SLC35F4: variants seen among roughly 807,000 people sequenced by gnomAD.
The protein encoded by SLC35F4 is chromosome 14 open reading frame 36.
SLC35F4 carries 24 observed loss-of-function variants against 44.2 expected under a neutral mutation model. The ratio of observed to expected loss-of-function variants is 0.54; its 90% CI spans 0.39 to 0.76. The LOEUF is 0.76. Among genes scored for constraint, SLC35F4 ranks in the 30% least tolerant of loss-of-function variants. The pLI is 0.00. For missense variants in SLC35F4, 562 were observed against 586.1 expected (o/e 0.96, Z 0.42); for synonymous variants, 238 against 223.6 (o/e 1.06, Z -0.57).
At chr14:57,795,512 G>C (rs1287825448) in intron 1 of SLC35F4, among the ~76,000 whole-genome samples, 1 of 152,110 alleles carries the variant, frequency 6.6e-6, no homozygotes, top group Non-Finnish European at 1.5e-5. Flanking sequence ...TAGCCAGTCT[G>C]CTTATGTATT....
At chr14:57,618,046 C>A (rs547166575) in intron 1 of SLC35F4, among the ~76,000 whole-genome samples, 1 of 152,110 alleles carries the variant, frequency 6.6e-6, no homozygotes, top group East Asian at 1.9e-4. Context: ...TTTTACATTT[C>A]AGTAATAAAA....
intron 1 of SLC35F4, among the ~76,000 whole-genome samples, chr14:57,609,010 C>A (rs2140031179): frequency 6.6e-6 from 1 of 152,180 alleles, no homozygotes; most frequent in African/African-American, 2.4e-5. Flanking sequence ...GAAGTATAGA[C>A]AGGACACAAA....
intron 3 of SLC35F4, among the ~76,000 whole-genome samples, chr14:57,582,172 T>G (rs112158285): frequency 0.018 from 2,741 of 150,604 alleles, 55 homozygotes; most frequent in African/African-American, 0.046. Context: ...CAGGGGCCAT[T>G]TTTTTCCTTT....
At chr14:57,871,765 C>A (rs745339037) in intron 1 of SLC35F4, among the ~76,000 whole-genome samples, 3 of 152,198 alleles carry the variant, frequency 2.0e-5, no homozygotes, top group Non-Finnish European at 2.9e-5. Context: ...TCATCTCAGT[C>A]AGAGCTAATA....
intron 1 of SLC35F4, among the ~76,000 whole-genome samples, chr14:57,644,459 G>GT (rs1260176585): frequency 1.0e-5 from 1 of 96,838 alleles, no homozygotes; most frequent in African/African-American, 3.0e-5. Flanking sequence ...ACTTTTTGAT[G>GT]GGTTTTTTTT....
chr14:57,837,256 G>A (rs1885022321), intron 1 of SLC35F4: 1 of 152,166 alleles, frequency 6.6e-6, no homozygotes, highest in Non-Finnish European at 1.5e-5. Context: ...AAGAGACACT[G>A]TTACAGGGAA....
At chr14:57,667,760 G>A (rs868113594) in intron 1 of SLC35F4, among the ~76,000 whole-genome samples, 25 of 151,738 alleles carry the variant, frequency 1.6e-4, no homozygotes, top group Middle Eastern at 3.4e-3. Flanking sequence ...TTGGTTCCGA[G>A]TCTTTGCTAT....
At chr14:57,570,007 C>T (rs2068412440) in intron 5 of SLC35F4, 27 bp from the exon 6 acceptor site, 1 of 1,560,624 alleles carries the variant, frequency 6.4e-7, no homozygotes, top group African/African-American at 1.4e-5. Context: ...ACTCTACAGC[C>T]ACACAGAAAC....
At chr14:57,966,380 G>A (rs1029286548) in intron 1 of SLC35F4, among the ~76,000 whole-genome samples, 1 of 152,158 alleles carries the variant, frequency 6.6e-6, no homozygotes, top group African/African-American at 2.4e-5. Flanking sequence ...TAACCAAAAA[G>A]ATGAAAACTG....
At chr14:57,775,013 C>A (rs1208737505) in intron 1 of SLC35F4, among the ~76,000 whole-genome samples, 1 of 151,916 alleles carries the variant, frequency 6.6e-6, no homozygotes, top group Non-Finnish European at 1.5e-5. Context: ...CCCCCACCAG[C>A]ACTCCACCAT....
intron 3 of SLC35F4, among the ~76,000 whole-genome samples, chr14:57,583,294 G>T (rs1185361128): frequency 6.6e-6 from 1 of 152,220 alleles, no homozygotes; most frequent in Non-Finnish European, 1.5e-5. Context: ...AAGGCGATCT[G>T]CTCCGTGAGA....
intron 1 of SLC35F4, among the ~76,000 whole-genome samples, chr14:57,759,889 T>G (rs113364528): frequency 1.8e-3 from 279 of 152,026 alleles, no homozygotes; most frequent in Non-Finnish European, 3.3e-3. Context: ...TGTTTTTTTT[T>G]TTTGTTTGCT....
intron 1 of SLC35F4, among the ~76,000 whole-genome samples, chr14:57,944,727 G>C (rs1159011881): frequency 8.6e-6 from 1 of 116,040 alleles, no homozygotes; most frequent in Non-Finnish European, 1.9e-5. Flanking sequence ...AAGAAAGAAA[G>C]AAAGAAAGAA....
intron 1 of SLC35F4, among the ~76,000 whole-genome samples, chr14:57,622,845 A>T (rs1260575547): frequency 6.6e-6 from 1 of 151,720 alleles, no homozygotes; most frequent in Non-Finnish European, 1.5e-5. Flanking sequence ...AAAAATAAAA[A>T]AATTAAAAAA....
At chr14:57,858,715 A>C (rs1887379470) in intron 1 of SLC35F4, among the ~76,000 whole-genome samples, 1 of 151,654 alleles carries the variant, frequency 6.6e-6, no homozygotes, top group Non-Finnish European at 1.5e-5. Context: ...ATTACTATAA[A>C]AAAAAGAAAG....
intron 1 of SLC35F4, among the ~76,000 whole-genome samples, chr14:57,611,017 G>A (rs1021743772): frequency 6.6e-6 from 1 of 152,226 alleles, no homozygotes; most frequent in African/African-American, 2.4e-5. Context: ...GTGGTGTCTA[G>A]TTACATAAGG....
intron 1 of SLC35F4, among the ~76,000 whole-genome samples, chr14:57,624,667 C>A (rs10147516): frequency 0.6 from 91,659 of 151,908 alleles, 29,902 homozygotes; most frequent in Non-Finnish European, 0.74. Context: ...AATCAATAAA[C>A]ATAATCCAGC....
chr14:57,829,502 G>A (rs1191860712), intron 1 of SLC35F4, among the ~76,000 whole-genome samples: 1 of 152,172 alleles, frequency 6.6e-6, no homozygotes. Context: ...GTTGTACAAA[G>A]CAGGTCTAAA....
intron 7 of SLC35F4, 121 bp from the exon 8 acceptor site, chr14:57,564,497 G>C (rs755562377): frequency 3.6e-5 from 50 of 1,376,414 alleles, no homozygotes; most frequent in Non-Finnish European, 4.7e-5. Flanking sequence ...TTCCAAGTTA[G>C]TGTTTCCTTT....
Sources: allele counts gnomAD v4.1 joint callset (sites outside exome capture counted in the v4.1 genomes callset), GRCh38; gene constraint gnomAD v4.1.1; transcripts MANE v1.5; gene names NCBI Gene and HGNC (gene_info 2026-07-23, HGNC 2026-07-21).